Variants in DNAH11 observed in about 807,000 individuals in gnomAD.
DNAH11 encodes the protein dynein axonemal heavy chain 11, also known as axonemal beta dynein heavy chain 11.
In DNAH11, 442 loss-of-function variants were observed where a neutral mutation model predicts 526.0. The ratio of observed to expected loss-of-function variants is 0.84; its 90% CI spans 0.78 to 0.91. The LOEUF (loss-of-function observed/expected upper bound fraction) is 0.91. DNAH11 is among the 40% of genes least tolerant of loss of function. The pLI, the probability that DNAH11 is intolerant of heterozygous loss-of-function variation, is 0.00. For synonymous variants in DNAH11, 2,461 were observed against 1,935.9 expected (o/e 1.27, Z -7.12); for missense variants, 6,989 against 5,448.7 (o/e 1.28, Z -8.90).
intron 14 of DNAH11, among the ~76,000 whole-genome samples, chr7:21,592,837 C>A (rs1044072890): frequency 5.9e-5 from 9 of 151,914 alleles, no homozygotes; most frequent in Non-Finnish European, 1.0e-4. Flanking sequence ...ACTGGGGTTG[C>A]CCTTTAATGA....
chr7:21,884,644 A>G (rs909515609), intron 76 of DNAH11, among the ~76,000 whole-genome samples: 1 of 152,192 alleles, frequency 6.6e-6, no homozygotes, highest in Non-Finnish European at 1.5e-5. Flanking sequence ...AGAGTGCACC[A>G]GCGTGAGGCA....
At chr7:21,617,087 T>C (rs533953333) in intron 22 of DNAH11, among the ~76,000 whole-genome samples, 7 of 152,302 alleles carry the variant, frequency 4.6e-5, no homozygotes, top group East Asian at 3.9e-4. Flanking sequence ...TGTTTTCTTA[T>C]GGGTTTTCTC....
intron 20 of DNAH11, among the ~76,000 whole-genome samples, chr7:21,612,554 C>CAAAAAAAAAAAAA (rs34356379): frequency 2.0e-4 from 16 of 81,228 alleles, no homozygotes; most frequent in African/African-American, 6.2e-4. Flanking sequence ...GGCTCCGTCT[C>CAAAAAAAAAAAAA]AAAAAAAAAA....
At position 21,564,193 on chromosome 7, in the gene DNAH11, C is replaced by T. The variant is rs376448045; in HGVS notation, c.990C>T (p.Leu330=). The T allele has an allele frequency of 1.7e-5, 27 of 1,571,672 alleles. No individual in the cohort carries two copies. The highest frequency in any genetic ancestry group is 7.3e-5 in the South Asian group (6 of 82,102). ...DIFLAVENAL[L]EAQDVELYLR... is the part of the protein sequence containing the mutation. ...GTGGTTCTTTGCTTTCAGCTCTTCT[C>T]GAAGCCCAAGATGTGGAACTTTACC... is the stretch of plus-strand genomic sequence containing the variant. The change falls in exon 6 of 82, where the codon CTC becomes CTT. Residue 330 remains leucine (L), a synonymous_variant. Transcript: ENST00000409508.
intron 55 of DNAH11, among the ~76,000 whole-genome samples, chr7:21,771,209 C>A (rs997386893): frequency 6.6e-6 from 1 of 152,148 alleles, no homozygotes; most frequent in African/African-American, 2.4e-5. Flanking sequence ...CTTCCTCCCT[C>A]CCTCCCTTGA....
At chr7:21,705,661 A>G in intron 39 of DNAH11, 124 bp downstream of exon 39, 1 of 868,068 alleles carries the variant, frequency 1.2e-6, no homozygotes, top group South Asian at 1.7e-5. Flanking sequence ...ATTTTGGGTC[A>G]GAATCTGAGA....
intron 25 of DNAH11, among the ~76,000 whole-genome samples, chr7:21,632,966 C>G (rs768197996): frequency 6.6e-6 from 1 of 152,184 alleles, no homozygotes; most frequent in African/African-American, 2.4e-5. Flanking sequence ...ATTGGACATA[C>G]AGTTCCATGT....
At position 21,786,732 on chromosome 7, in the gene DNAH11, C is replaced by T. The variant is rs753101269; in HGVS notation, c.9706C>T (p.Arg3236Ter). The change falls in exon 59 of 82, where the codon CGA becomes TGA. Residue 3236 changes from arginine to a stop codon, truncating the protein, a stop_gained. Coordinates refer to ENST00000409508, the MANE Select transcript of DNAH11 (RefSeq NM_001277115.2). LOFTEE classifies it high-confidence loss of function. ...LAPRGRVPKDRSWKAAKVFMG... is the reference protein window; with the variant it reads ...LAPRGRVPKD The stretch of plus-strand genomic sequence containing the variant: ...TCCTCGGGGAAGAGTGCCCAAAGAC[C>T]GAAGTTGGAAAGCAGCTAAAGTCTT... The T allele has an allele frequency of 4.3e-6, 7 of 1,613,692 alleles. No homozygotes were observed. The highest frequency in any genetic ancestry group is 4.5e-5 in the East Asian group (2 of 44,878).
chr7:21,620,806 T>C (rs1438465209), intron 25 of DNAH11, among the ~76,000 whole-genome samples: 1 of 144,326 alleles, frequency 6.9e-6, no homozygotes, highest in East Asian at 2.1e-4. Flanking sequence ...TGAGTGAGAA[T>C]ATGCGGTGTT....
At chr7:21,700,096 A>G (rs138046524) in intron 36 of DNAH11, among the ~76,000 whole-genome samples, 86 of 152,346 alleles carry the variant, frequency 5.6e-4, no homozygotes, top group African/African-American at 2.0e-3. Context: ...TGTTTTACAT[A>G]TGAGAAAACT....
intron 81 of DNAH11, among the ~76,000 whole-genome samples, chr7:21,900,597 C>CACTT (rs1370117724): frequency 6.6e-6 from 1 of 152,188 alleles, no homozygotes; most frequent in African/African-American, 2.4e-5. Flanking sequence ...TTCCACAGGA[C>CACTT]ACTTAGTCCC....
chr7:21,730,252 C>G (rs1004466909), intron 45 of DNAH11, among the ~76,000 whole-genome samples: 1 of 152,082 alleles, frequency 6.6e-6, no homozygotes, highest in Non-Finnish European at 1.5e-5. Flanking sequence ...GATGAACAGA[C>G]AAAGAAAATG....
chr7:21,722,074 A>G (rs1160674434), intron 44 of DNAH11, among the ~76,000 whole-genome samples: 2 of 152,202 alleles, frequency 1.3e-5, no homozygotes, highest in Admixed American at 6.5e-5. Flanking sequence ...TAGACTTACC[A>G]AAGTGCAAAG....
Position 21,900,050 on chromosome 7 carries a change from C to CAAAAA in DNAH11, c.13236_13240dup (p.Thr4414LysfsTer74). 1 of 1,613,610 alleles carries CAAAAA rather than the reference C, an allele frequency of 6.2e-7. No individual in the cohort carries two copies. The highest frequency in any genetic ancestry group is 8.5e-7 in the Non-Finnish European group (1 of 1,179,762). ...AAACGCGCTTGACTGCTGATGTTAC[C>CAAAAA]AAAAAAACAAAGGAAGATTATGGAC... On this transcript the variant is annotated frameshift_variant, in exon 81 of 82. Coordinates refer to ENST00000409508, the MANE Select transcript of DNAH11 (RefSeq NM_001277115.2). LOFTEE classifies it high-confidence loss of function.
rs200462132 is a variant in DNAH11 at position 21,739,623 on chromosome 7, G to A, written c.7864G>A (p.Ala2622Thr). 3.3e-5 allele frequency: 53 copies of A among 1,612,724 alleles called. No homozygotes were observed. The highest frequency in any genetic ancestry group is 1.7e-4 in the Middle Eastern group (1 of 6,058). ...LKEIHNCQYV[A>T]CMNPMVGSFT... Reference sequence around the variant, plus strand: ...AGAAATCCATAACTGCCAGTATGTCGCCTGCATGAATCCGATGGTGGGCAG... The same window carrying A: ...AGAAATCCATAACTGCCAGTATGTCACCTGCATGAATCCGATGGTGGGCAG... Residue 2622 changes from alanine (A) to threonine (T), a missense_variant, in exon 48 of 82, where the codon GCC becomes ACC. By Grantham distance (58) the Ala-to-Thr change is moderately conservative. Coordinates refer to ENST00000409508, the MANE Select transcript of DNAH11 (RefSeq NM_001277115.2).
chr7:21,708,359 A>G (rs139443410), intron 40 of DNAH11, among the ~76,000 whole-genome samples: 22 of 152,288 alleles, frequency 1.4e-4, no homozygotes, highest in Non-Finnish European at 2.5e-4. Flanking sequence ...AGCGAATCCT[A>G]TAGGCTTTGC....
At chr7:21,714,432 C>T (rs1044653718) in intron 42 of DNAH11, among the ~76,000 whole-genome samples, 1 of 152,114 alleles carries the variant, frequency 6.6e-6, no homozygotes, top group African/African-American at 2.4e-5. Context: ...CAATAAGTCA[C>T]GAAATGGCTA....
At chr7:21,845,348 C>T (rs1372917174) in intron 66 of DNAH11, among the ~76,000 whole-genome samples, 2 of 152,082 alleles carry the variant, frequency 1.3e-5, no homozygotes, top group East Asian at 3.8e-4. Flanking sequence ...TTGGTTCTTA[C>T]ATTTAGCTCT....
chr7:21,712,651 G>T (rs1784505254), intron 42 of DNAH11, among the ~76,000 whole-genome samples: 1 of 152,120 alleles, frequency 6.6e-6, no homozygotes, highest in African/African-American at 2.4e-5. Context: ...TGTGCTTATT[G>T]GCAGTTTGTA....
Sources: allele counts gnomAD v4.1 joint callset (sites outside exome capture counted in the v4.1 genomes callset), GRCh38; gene constraint gnomAD v4.1.1; transcripts MANE v1.5; gene names NCBI Gene and HGNC (gene_info 2026-07-23, HGNC 2026-07-21).